Variants in NRXN3 observed in about 807,000 individuals in gnomAD.
NRXN3 encodes neurexin 3.
Under a neutral mutation model 137.6 loss-of-function variants are expected in NRXN3, and 32 were observed. The ratio of observed to expected loss-of-function variants is 0.23; its 90% CI spans 0.18 to 0.31. NRXN3 has a LOEUF of 0.31. Ranked by LOEUF, NRXN3 falls within the 10% of genes least tolerant of loss-of-function variation. The pLI, the probability that NRXN3 is intolerant of heterozygous loss-of-function variation, is 1.00. For synonymous variants in NRXN3, 798 were observed against 784.5 expected (o/e 1.02, Z -0.29); for missense variants, 1,574 against 2,062.5 (o/e 0.76, Z 4.59).
intron 8 of NRXN3, among the ~76,000 whole-genome samples, chr14:78,771,666 A>C (rs1482858312): frequency 6.6e-6 from 1 of 152,242 alleles, no homozygotes; most frequent in East Asian, 1.9e-4. Context: ...GAATGTACAC[A>C]GAATGGCCTG....
intron 15 of NRXN3, among the ~76,000 whole-genome samples, chr14:79,059,479 G>T (rs1054421608): frequency 1.3e-5 from 2 of 151,844 alleles, no homozygotes; most frequent in East Asian, 3.9e-4. Context: ...GGATGGTCTC[G>T]ATCTCCTGAC....
chr14:78,692,071 CTTTG>C (rs772983503), intron 6 of NRXN3, among the ~76,000 whole-genome samples: 1 of 152,076 alleles, frequency 6.6e-6, no homozygotes, highest in Non-Finnish European at 1.5e-5. Context: ...CTAATATTTA[CTTTG>C]TTTGGAGGTA....
At chr14:79,686,868 C>T (rs889035273) in intron 17 of NRXN3, among the ~76,000 whole-genome samples, 1 of 152,178 alleles carries the variant, frequency 6.6e-6, no homozygotes, top group Non-Finnish European at 1.5e-5. Context: ...ATCCAGAAGA[C>T]ATGTAGAGGT....
chr14:78,926,803 T>C (rs1178879230), intron 10 of NRXN3, among the ~76,000 whole-genome samples: 1 of 47,670 alleles, frequency 2.1e-5, no homozygotes, highest in Non-Finnish European at 3.4e-5. Flanking sequence ...ATATTATATA[T>C]TTATATATAT....
chr14:78,210,608 G>A (rs371219245), intron 1 of NRXN3, among the ~76,000 whole-genome samples: 1 of 151,772 alleles, frequency 6.6e-6, no homozygotes, highest in African/African-American at 2.4e-5. Flanking sequence ...AACAAACACC[G>A]TAGTCAAGAT....
rs1299918706 is a variant in NRXN3 at position 78,943,620 on chromosome 14, AAATATATATAT to A, written c.2276-13620_2276-13610del. ...AAGCAAGATCACTGTTAAAAAAAAA[AAATATATATAT>A]ATATATATATATATATATATATATA... On this transcript the variant is annotated intron_variant, in intron 10 of 20. Coordinates refer to ENST00000335750, the MANE Select transcript of NRXN3 (RefSeq NM_001330195.2). 6.5e-4 allele frequency among the ~76,000 whole-genome samples: 21 copies of A among 32,102 alleles called. 1 individual carries two copies. The highest frequency in any genetic ancestry group is 1.6e-3 in the African/African-American group (8 of 4,852). The allele number at this position is 32,102 out of a possible 152,430, so 21.1% of individuals were successfully genotyped here. A position where few individuals can be genotyped will look rare whatever the true frequency, so the allele number is the denominator to read the frequency against.
intron 13 of NRXN3, among the ~76,000 whole-genome samples, chr14:78,967,925 T>C (rs780425515): frequency 8.6e-5 from 13 of 152,008 alleles, no homozygotes; most frequent in Non-Finnish European, 1.8e-4. Flanking sequence ...ATATTGTTAA[T>C]CTTTACTCCA....
chr14:78,233,828 G>T (rs1408297501), intron 1 of NRXN3, among the ~76,000 whole-genome samples: 1 of 151,736 alleles, frequency 6.6e-6, no homozygotes, highest in African/African-American at 2.4e-5. Context: ...TCTCCACATT[G>T]TCTGTGACAC....
Position 78,967,199 on chromosome 14 carries a change from T to C in NRXN3, c.2778-9T>C. 6.4e-7 allele frequency: 1 copy of C among 1,564,078 alleles called. No individual in the cohort carries two copies. The highest frequency in any genetic ancestry group is 8.6e-7 in the Non-Finnish European group (1 of 1,160,558). On this transcript the variant is annotated splice_polypyrimidine_tract_variant and intron_variant, in intron 12 of 20. Coordinates refer to ENST00000335750, the MANE Select transcript of NRXN3 (RefSeq NM_001330195.2). ...TCCAATTATTGTTTTTTTTTTTTTT[T>C]CTTCCTAGGTATATACACTACGTTT...
At chr14:79,085,566 CT>C (rs1360678424) in intron 15 of NRXN3, among the ~76,000 whole-genome samples, 6 of 152,044 alleles carry the variant, frequency 3.9e-5, no homozygotes, top group African/African-American at 1.4e-4. Flanking sequence ...AACTTACCTC[CT>C]AGATATAAAT....
chr14:78,265,185 CA>C (rs1299995335), intron 2 of NRXN3, among the ~76,000 whole-genome samples: 2 of 152,104 alleles, frequency 1.3e-5, no homozygotes, highest in Non-Finnish European at 2.9e-5. Flanking sequence ...AGTTGTAGGT[CA>C]GGGGCAGGAG....
At chr14:79,572,728 C>T (rs905219498) in intron 16 of NRXN3, 2 of 152,106 alleles carry the variant, frequency 1.3e-5, no homozygotes, top group African/African-American at 4.8e-5. Context: ...AGAAAGAAGA[C>T]ATGTACATTA....
At chr14:78,410,789 C>T (rs538109851) in intron 4 of NRXN3, among the ~76,000 whole-genome samples, 7 of 152,258 alleles carry the variant, frequency 4.6e-5, no homozygotes, top group Admixed American at 1.3e-4. Context: ...ATTAAAACTC[C>T]GCAGGAGGGA....
chr14:79,237,911 G>A (rs1003533626), intron 15 of NRXN3, among the ~76,000 whole-genome samples: 20 of 152,084 alleles, frequency 1.3e-4, no homozygotes, highest in African/African-American at 4.8e-4. Context: ...CTGCCTCATG[G>A]GAACACTGTG....
chr14:79,842,009 A>G (rs781544740), intron 20 of NRXN3, among the ~76,000 whole-genome samples: 37 of 152,260 alleles, frequency 2.4e-4, no homozygotes, highest in Non-Finnish European at 3.8e-4. Flanking sequence ...GCAAAGCACC[A>G]TATTAGGAAC....
intron 16 of NRXN3, among the ~76,000 whole-genome samples, chr14:79,592,504 C>T (rs1194255318): frequency 6.6e-6 from 1 of 152,126 alleles, no homozygotes; most frequent in African/African-American, 2.4e-5. Context: ...CTAAGTTACA[C>T]ATTCAATAAA....
intron 20 of NRXN3, among the ~76,000 whole-genome samples, chr14:79,827,506 C>A (rs1428682211): frequency 2.0e-5 from 3 of 151,944 alleles, no homozygotes; most frequent in Non-Finnish European, 4.4e-5. Flanking sequence ...TAAAGAAATA[C>A]CCGAGACTGG....
chr14:78,539,292 G>A (rs186873273), intron 4 of NRXN3, among the ~76,000 whole-genome samples: 2 of 152,148 alleles, frequency 1.3e-5, no homozygotes, highest in Non-Finnish European at 2.9e-5. Context: ...CAATTTCAGA[G>A]CCTGTTATTG....
chr14:79,094,830 A>C (rs770210396), intron 15 of NRXN3, among the ~76,000 whole-genome samples: 1 of 152,104 alleles, frequency 6.6e-6, no homozygotes, highest in Non-Finnish European at 1.5e-5. Context: ...TGAGGGGCAA[A>C]ATACTGGGGT....
Sources: allele counts gnomAD v4.1 joint callset (sites outside exome capture counted in the v4.1 genomes callset), GRCh38; gene constraint gnomAD v4.1.1; transcripts MANE v1.5; gene names NCBI Gene and HGNC (gene_info 2026-07-23, HGNC 2026-07-21).